SETD3: variants seen among roughly 807,000 people sequenced by gnomAD.
The protein encoded by SETD3 is SET domain containing 3, actin N3(tau)-histidine methyltransferase.
A neutral mutation model predicts 63.0 loss-of-function variants in SETD3; 19 were observed. The ratio of observed to expected loss-of-function variants is 0.30; its 90% CI spans 0.21 to 0.44. The LOEUF (loss-of-function observed/expected upper bound fraction) is 0.44, where lower values mean the gene tolerates loss of function less well. Among genes scored for constraint, SETD3 ranks in the 20% least tolerant of loss-of-function variants. The probability of loss-of-function intolerance (pLI) is 1.00; values close to 1 mark genes in which losing one functional copy is unlikely to be tolerated. For synonymous variants in SETD3, 286 were observed against 264.1 expected (o/e 1.08, Z -0.80); for missense variants, 587 against 728.5 (o/e 0.81, Z 2.24).
rs137859867 is a variant in SETD3 at position 99,432,866 on chromosome 14, C to G, written c.676-18932G>C. 3.1e-3 allele frequency among the ~76,000 whole-genome samples: 467 copies of G among 152,212 alleles called. 3 individuals are homozygous for G. Among genetic ancestry groups the G allele is most frequent in the African/African-American group, 0.011 (449 of 41,534 alleles). On this transcript the variant is annotated intron_variant, in intron 6 of 12. Transcript: ENST00000331768. ...TGTGACAGCCAAAATGTCTCTATTC[C>G]CCCAAGGGATCAGTCATTCTTGGTG...
At chr14:99,466,626 G>T (rs1036838352) in intron 1 of SETD3, among the ~76,000 whole-genome samples, 1 of 151,970 alleles carries the variant, frequency 6.6e-6, no homozygotes, top group South Asian at 2.1e-4. Context: ...GGCGGGGGGG[G>T]GGGGGGGCAT....
chr14:99,449,337 A>C (rs934625360), intron 6 of SETD3, among the ~76,000 whole-genome samples: 9 of 152,238 alleles, frequency 5.9e-5, no homozygotes, highest in Non-Finnish European at 1.3e-4. Flanking sequence ...GCATAGTCTC[A>C]AAGTATCTTT....
At chr14:99,436,796 A>T (rs1893509194) in intron 6 of SETD3, among the ~76,000 whole-genome samples, 1 of 152,142 alleles carries the variant, frequency 6.6e-6, no homozygotes, top group African/African-American at 2.4e-5. Context: ...CAGGAGCTGT[A>T]TTTTTTTATC....
chr14:99,444,023 G>A (rs1445184185), intron 6 of SETD3, among the ~76,000 whole-genome samples: 1 of 152,122 alleles, frequency 6.6e-6, no homozygotes, highest in East Asian at 1.9e-4. Flanking sequence ...CAGCCAGGTT[G>A]ACAATCACAG....
At chr14:99,481,224 G>GT (rs1566743462), upstream of SETD3, 1 of 394,144 alleles carries the variant, frequency 2.5e-6, no homozygotes, top group Non-Finnish European at 4.5e-6. Flanking sequence ...GATGGGCCCT[G>GT]TGGCTGGCTC....
chr14:99,459,489 C>T (rs184361336), intron 4 of SETD3, among the ~76,000 whole-genome samples: 10 of 152,320 alleles, frequency 6.6e-5, no homozygotes, highest in African/African-American at 2.2e-4. Context: ...TGGAGTAGAG[C>T]ATAAAGGCGT....
rs112108748 is a variant in SETD3 at position 99,415,702 on chromosome 14, A to C, written c.676-1768T>G. Among the ~76,000 whole-genome samples the C allele has an allele frequency of 3.6e-3, 547 of 152,338 alleles. 3 individuals carry two copies. The highest frequency in any genetic ancestry group is 0.014 in the Middle Eastern group (4 of 294). On this transcript the variant is annotated intron_variant, in intron 6 of 12. Transcript: ENST00000331768. ...ACATAATATTTGCAGAATCTGTTAG[A>C]AATAGTTCTTATCTTCTTAAGAAAT... is the stretch of plus-strand genomic sequence containing the variant.
chr14:99,468,156 T>TTA lies in SETD3; in HGVS notation c.-8-2344_-8-2343insTA, dbSNP rs1287138322. Among the ~76,000 whole-genome samples, 4 of 131,930 alleles carry TTA rather than the reference T, an allele frequency of 3.0e-5. No homozygotes were observed. In the East Asian group the frequency reaches 8.7e-4, roughly 29 times the overall value. 86.6% of individuals were successfully genotyped at this position (131,930 alleles called of 152,430 possible). A position where few individuals can be genotyped will look rare whatever the true frequency, so the allele number is the denominator to read the frequency against. On this transcript the variant is annotated intron_variant, in intron 1 of 12. Coordinates refer to ENST00000331768, the MANE Select transcript of SETD3 (RefSeq NM_032233.3). ...CACTGCCTCTGTTTAAATACAGATTTAAAAAAAAAAAAAAAAAAGTACATG... is the reference window on the plus strand; with the variant it reads ...CACTGCCTCTGTTTAAATACAGATTTTAAAAAAAAAAAAAAAAAAAGTACATG...
At chr14:99,460,800 CA>C (rs1430874485) in intron 4 of SETD3, among the ~76,000 whole-genome samples, 2 of 152,214 alleles carry the variant, frequency 1.3e-5, no homozygotes, top group African/African-American at 4.8e-5. Flanking sequence ...GCCTCATAGT[CA>C]TCCATTTCAG....
rs377154593 is a variant in SETD3, at chr14:99,437,168, G to A, written c.675+21111C>T. ...AGAAGTACCCAGACCTCGCAGGCAC[G>A]CGGAGGATTCAGTGGAATTGTGTTA... On this transcript the variant is annotated intron_variant, in intron 6 of 12. Transcript: ENST00000331768. Among the ~76,000 whole-genome samples the A allele has an allele frequency of 1.7e-4, 26 of 152,300 alleles. 1 individual carries two copies. Among genetic ancestry groups the A allele is most frequent in the African/African-American group, 5.1e-4 (21 of 41,570 alleles).
chr14:99,416,625 A>G (rs1892304660), intron 6 of SETD3, among the ~76,000 whole-genome samples: 1 of 152,196 alleles, frequency 6.6e-6, no homozygotes, highest in African/African-American at 2.4e-5. Flanking sequence ...ACTGTCAGAA[A>G]GACGACAGTG....
At chr14:99,471,697 A>C (rs1329809833) in intron 1 of SETD3, among the ~76,000 whole-genome samples, 1 of 152,244 alleles carries the variant, frequency 6.6e-6, no homozygotes, top group East Asian at 1.9e-4. Flanking sequence ...TTTTAGATAG[A>C]AAAGCTTTAG....
Position 99,467,791 on chromosome 14 carries a change from T to G in SETD3, c.-8-1978A>C, listed in dbSNP as rs565579882. On this transcript the variant is annotated intron_variant, in intron 1 of 12. Coordinates refer to ENST00000331768, the MANE Select transcript of SETD3 (RefSeq NM_032233.3). ...AAGTGAGCCTGGGACAGGGCTGTTCTGCACCGGCCCTCACAGGGTGCCCAC... is the reference window on the plus strand; with the variant it reads ...AAGTGAGCCTGGGACAGGGCTGTTCGGCACCGGCCCTCACAGGGTGCCCAC... Among the ~76,000 whole-genome samples the G allele has an allele frequency of 2.0e-5, 3 of 152,300 alleles. No individual in the cohort carries two copies. In the East Asian group the frequency reaches 5.8e-4, roughly 29 times the overall value.
At chr14:99,419,327 A>T (rs1350680782) in intron 6 of SETD3, among the ~76,000 whole-genome samples, 1 of 152,232 alleles carries the variant, frequency 6.6e-6, no homozygotes, top group Non-Finnish European at 1.5e-5. Context: ...AAATTAAGAA[A>T]ATGAAATTAG....
intron 6 of SETD3, among the ~76,000 whole-genome samples, chr14:99,430,858 G>A (rs1037928048): frequency 6.6e-6 from 1 of 152,210 alleles, no homozygotes; most frequent in Admixed American, 6.5e-5. Flanking sequence ...GGGTCCAGCG[G>A]ACTGGTCAGT....
intron 6 of SETD3, among the ~76,000 whole-genome samples, chr14:99,449,122 G>A (rs2139745768): frequency 6.6e-6 from 1 of 152,286 alleles, no homozygotes; most frequent in Non-Finnish European, 1.5e-5. Context: ...GTAAATAAAT[G>A]TGGAAGAAGG....
At chr14:99,481,224 G>T (rs1341915219), upstream of SETD3, 10 of 394,144 alleles carry the variant, frequency 2.5e-5, 1 homozygote, top group Admixed American at 3.1e-4. Context: ...GATGGGCCCT[G>T]TGGCTGGCTC....
At chr14:99,463,424 T>C (rs1386964978) in intron 3 of SETD3, 62 bp downstream of exon 3, 1 of 1,313,734 alleles carries the variant, frequency 7.6e-7, no homozygotes, top group Non-Finnish European at 1.1e-6. Flanking sequence ...CGTCAACCCT[T>C]TGACCTAATC....
chr14:99,482,484 T>C (rs1281950212), upstream of SETD3, among the ~76,000 whole-genome samples: 1 of 152,264 alleles, frequency 6.6e-6, no homozygotes, highest in Non-Finnish European at 1.5e-5. Context: ...GACATTTGGA[T>C]TAAAGTGCCC....
Sources: gnomAD v4.1 joint callset for allele counts (sites outside exome capture counted in the v4.1 genomes callset) on GRCh38, gnomAD v4.1.1 for gene constraint, MANE v1.5 for transcripts, NCBI Gene and HGNC (gene_info 2026-07-23, HGNC 2026-07-21) for gene names.